Variants in IPO11 observed in about 807,000 individuals in gnomAD.
IPO11 encodes the protein importin-11.
Under a neutral mutation model 143.2 loss-of-function variants are expected in IPO11, and 66 were observed. The observed-to-expected ratio is 0.46, with a 90% CI of 0.38 to 0.57. The LOEUF is 0.57. Ranked by LOEUF, IPO11 falls within the 20% of genes least tolerant of loss-of-function variation. IPO11 has a pLI of 0.00. For missense variants in IPO11, 1,026 were observed against 1,141.0 expected, an observed-to-expected ratio of 0.90 and a Z score of 1.45; for synonymous variants, 385 against 377.8, an observed-to-expected ratio of 1.02 and a Z score of -0.22.
At chr5:62,561,477 G>T (rs1743769648) in intron 27 of IPO11, among the ~76,000 whole-genome samples, 2 of 151,536 alleles carry the variant, frequency 1.3e-5, no homozygotes. Context: ...GTTTATTTTG[G>T]TTGTATTCAT....
chr5:62,432,596 T>G (rs1280649485), intron 1 of IPO11, among the ~76,000 whole-genome samples: 1 of 152,224 alleles, frequency 6.6e-6, no homozygotes, highest in Non-Finnish European at 1.5e-5. Context: ...GTCACATAGA[T>G]GTTTCTGTAT....
In IPO11 at chr5:62,510,863, G is replaced by T. The variant is rs546642873; in HGVS notation, c.1782+4506G>T. Among the ~76,000 whole-genome samples, 3 of 152,208 alleles carry T rather than the reference G, an allele frequency of 2.0e-5. No individual in the cohort carries two copies. In the South Asian group the frequency reaches 6.2e-4, roughly 32 times the overall value. On this transcript the variant is annotated intron_variant, in intron 19 of 29. Coordinates refer to ENST00000325324, the MANE Select transcript of IPO11 (RefSeq NM_016338.5). The stretch of plus-strand genomic sequence containing the variant: ...TGATTCTCCTGCCTCAGCAGGAGTA[G>T]CTGGGATTACGGGTGCACGCCACCA...
chr5:62,468,235 G>T (rs1190800775), intron 6 of IPO11, among the ~76,000 whole-genome samples: 1 of 152,096 alleles, frequency 6.6e-6, no homozygotes, highest in East Asian at 1.9e-4. Flanking sequence ...TTCTTAGTTT[G>T]ATCTCAGGCA....
intron 20 of IPO11, among the ~76,000 whole-genome samples, 196 bp from the exon 21 acceptor site, chr5:62,525,946 T>C (rs894469317): frequency 4.6e-5 from 7 of 152,224 alleles, no homozygotes; most frequent in Non-Finnish European, 8.8e-5. Context: ...AATAGGCAAT[T>C]GAATAGTATT....
At chr5:62,422,928 G>A (rs1390501186) in intron 1 of IPO11, among the ~76,000 whole-genome samples, 1 of 151,980 alleles carries the variant, frequency 6.6e-6, no homozygotes, top group African/African-American at 2.4e-5. Context: ...TCTGGCATTT[G>A]CAGGTGTTCA....
chr5:62,435,745 C>G (rs897614098), intron 1 of IPO11, among the ~76,000 whole-genome samples: 13 of 151,208 alleles, frequency 8.6e-5, no homozygotes, highest in Admixed American at 1.3e-4. Context: ...AAATCTCAAT[C>G]TGGCCGGGCA....
rs1239758303 is a variant in IPO11 at position 62,449,926 on chromosome 5, G to A, written c.240-1G>A. The A allele has an allele frequency of 6.5e-7, 1 of 1,537,990 alleles. No homozygotes were observed. Among genetic ancestry groups the A allele is most frequent in the Admixed American group, 2.0e-5 (1 of 49,030 alleles). ...TAATCAATACTTTTTTTTTTTTACA[G>A]TGCTCTCTCAGAGGAGGAGAAAACT... On this transcript the variant is annotated splice_acceptor_variant, in intron 3 of 29. Transcript: ENST00000325324. LOFTEE classifies it high-confidence loss of function.
intron 1 of IPO11, chr5:62,419,270 T>C (rs893049011): frequency 6.0e-6 from 5 of 830,780 alleles, no homozygotes; most frequent in Non-Finnish European, 8.7e-6. Context: ...GATGAATCAG[T>C]GAGTGAGTGG....
intron 29 of IPO11, among the ~76,000 whole-genome samples, chr5:62,602,311 G>C (rs1745535829): frequency 6.6e-6 from 1 of 151,738 alleles, no homozygotes; most frequent in East Asian, 1.9e-4. Flanking sequence ...AGAGGAATCT[G>C]ATAAGGGGAA....
intron 24 of IPO11, among the ~76,000 whole-genome samples, chr5:62,541,208 C>G (rs1274043114): frequency 6.6e-6 from 1 of 151,558 alleles, no homozygotes; most frequent in Non-Finnish European, 1.5e-5. Flanking sequence ...CCTGTCTCTA[C>G]TAAAAATACA....
At chr5:62,440,783 T>C (rs368303648) in intron 2 of IPO11, among the ~76,000 whole-genome samples, 1 of 151,872 alleles carries the variant, frequency 6.6e-6, no homozygotes, top group African/African-American at 2.4e-5. Flanking sequence ...GCCAACATGG[T>C]GAAAGCCCGT....
intron 27 of IPO11, among the ~76,000 whole-genome samples, chr5:62,576,517 G>A (rs32150): frequency 0.68 from 104,023 of 152,140 alleles, 35,863 homozygotes; most frequent in African/African-American, 0.75. Flanking sequence ...TAGGCTGGAC[G>A]CAGTGGCTCA....
intron 29 of IPO11, among the ~76,000 whole-genome samples, chr5:62,618,369 T>A (rs1311859076): frequency 6.6e-6 from 1 of 151,804 alleles, no homozygotes; most frequent in Non-Finnish European, 1.5e-5. Context: ...TGAAAATAAA[T>A]GAACTCTACT....
intron 16 of IPO11, among the ~76,000 whole-genome samples, chr5:62,502,172 TG>T (rs1191253540): frequency 6.6e-6 from 1 of 152,212 alleles, no homozygotes; most frequent in Admixed American, 6.5e-5. Flanking sequence ...ATCTGTCCAA[TG>T]TTTCTTATGT....
At chr5:62,455,569 A>G (rs1745102613) in intron 5 of IPO11, among the ~76,000 whole-genome samples, 1 of 152,140 alleles carries the variant, frequency 6.6e-6, no homozygotes, top group Admixed American at 6.5e-5. Context: ...TTGCTATAGC[A>G]AAGTGTAGTG....
At chr5:62,530,053 T>G (rs756623319) in intron 21 of IPO11, among the ~76,000 whole-genome samples, 3 of 152,210 alleles carry the variant, frequency 2.0e-5, no homozygotes, top group Non-Finnish European at 4.4e-5. Context: ...TTAGCATAAG[T>G]TTTACTAACT....
intron 27 of IPO11, 149 bp downstream of exon 27, chr5:62,561,406 TG>T (rs1743767230): frequency 5.2e-6 from 2 of 382,332 alleles, no homozygotes; most frequent in Non-Finnish European, 9.0e-6. Context: ...ATGTGGTAAA[TG>T]TTGGTCTGGA....
At chr5:62,548,862 C>T (rs914284075) in intron 24 of IPO11, among the ~76,000 whole-genome samples, 4 of 152,004 alleles carry the variant, frequency 2.6e-5, no homozygotes, top group Non-Finnish European at 4.4e-5. Flanking sequence ...TCTCATTCCT[C>T]TTGTCTTTTT....
chr5:62,526,266 A>G lies in IPO11; in HGVS notation c.2012+9A>G, dbSNP rs1448361837. 2 of 1,546,578 alleles carry G rather than the reference A, an allele frequency of 1.3e-6. No individual in the cohort carries two copies. The highest frequency in any genetic ancestry group is 8.9e-7 in the Non-Finnish European group (1 of 1,118,826). On this transcript the variant is annotated intron_variant, in intron 21 of 29. Coordinates refer to ENST00000325324, the MANE Select transcript of IPO11 (RefSeq NM_016338.5). ...GATGGTTTAGAATTATGGTAAGAGGAAAAACTTAATACCATGGATCTTATT... is the reference window on the plus strand; with the variant it reads ...GATGGTTTAGAATTATGGTAAGAGGGAAAACTTAATACCATGGATCTTATT...
Sources: allele counts gnomAD v4.1 joint callset (sites outside exome capture counted in the v4.1 genomes callset), GRCh38; gene constraint gnomAD v4.1.1; transcripts MANE v1.5; gene names NCBI Gene and HGNC (gene_info 2026-07-23, HGNC 2026-07-21).